Variants in KIF18A observed in about 807,000 individuals in gnomAD.
KIF18A encodes the protein kinesin-like protein KIF18A.
Under a neutral mutation model 103.3 loss-of-function variants are expected in KIF18A, and 67 were observed. The ratio of observed to expected loss-of-function variants is 0.65; its 90% CI spans 0.53 to 0.79. KIF18A has a LOEUF of 0.79. Ranked by LOEUF, KIF18A falls within the 30% of genes least tolerant of loss-of-function variation. The probability of loss-of-function intolerance (pLI) is 0.00; values close to 1 mark genes in which losing one functional copy is unlikely to be tolerated. For synonymous variants in KIF18A, 367 were observed against 355.5 expected (o/e 1.03, Z -0.36); for missense variants, 1,032 against 1,062.5 (o/e 0.97, Z 0.40).
chr11:28,078,867 C>T (rs1343982114), intron 9 of KIF18A, among the ~76,000 whole-genome samples: 1 of 151,828 alleles, frequency 6.6e-6, no homozygotes, highest in Non-Finnish European at 1.5e-5. Flanking sequence ...TTAAAAAAGT[C>T]CCATGTAACA....
intron 13 of KIF18A, among the ~76,000 whole-genome samples, chr11:28,052,823 A>T (rs963935098): frequency 2.0e-5 from 3 of 152,178 alleles, no homozygotes; most frequent in African/African-American, 7.2e-5. Context: ...AATGAAAAAA[A>T]ACCTACACTT....
chr11:28,049,452 A>G (rs1241572371), intron 13 of KIF18A, among the ~76,000 whole-genome samples: 1 of 152,032 alleles, frequency 6.6e-6, no homozygotes. Context: ...CAAAAGTTTA[A>G]GACTGTAAAC....
chr11:28,077,509 T>C (rs1450164599), intron 9 of KIF18A, among the ~76,000 whole-genome samples: 1 of 152,128 alleles, frequency 6.6e-6, no homozygotes, highest in African/African-American at 2.4e-5. Context: ...AATAAAATAA[T>C]TTTTGTTTGT....
intron 1 of KIF18A, among the ~76,000 whole-genome samples, chr11:28,102,323 C>G (rs1851456255): frequency 1.3e-5 from 2 of 152,172 alleles, no homozygotes; most frequent in South Asian, 2.1e-4. Context: ...TAGACAAACT[C>G]AACCAATTGT....
intron 15 of KIF18A, among the ~76,000 whole-genome samples, chr11:28,030,706 C>A (rs1850387658): frequency 1.3e-5 from 2 of 150,014 alleles, no homozygotes; most frequent in Admixed American, 1.3e-4. Context: ...TAAAGAGCTT[C>A]TGCACAGCAA....
intron 10 of KIF18A, among the ~76,000 whole-genome samples, chr11:28,074,324 T>C (rs551618911): frequency 6.6e-6 from 1 of 152,162 alleles, no homozygotes; most frequent in Non-Finnish European, 1.5e-5. Context: ...GATAGTTATT[T>C]GGAAGTCATT....
chr11:28,098,097 C>T (rs866987401), intron 1 of KIF18A, 104 bp from the exon 2 acceptor site: 2 of 607,496 alleles, frequency 3.3e-6, no homozygotes, highest in Middle Eastern at 3.9e-4. Context: ...AATTCTGTTT[C>T]ACTCACTAGG....
chr11:28,031,796 C>G (rs1289382512), intron 15 of KIF18A, among the ~76,000 whole-genome samples: 11 of 151,840 alleles, frequency 7.2e-5, no homozygotes, highest in Admixed American at 5.3e-4. Context: ...ATCTGAAATT[C>G]TTTTCTCTAA....
chr11:28,066,508 T>C (rs561747653), intron 11 of KIF18A, among the ~76,000 whole-genome samples: 2 of 152,050 alleles, frequency 1.3e-5, no homozygotes, highest in South Asian at 4.1e-4. Flanking sequence ...ATGAATCTTG[T>C]CTTTTTTTGC....
intron 15 of KIF18A, among the ~76,000 whole-genome samples, chr11:28,026,673 T>A (rs1420288147): frequency 3.3e-5 from 5 of 151,800 alleles, no homozygotes; most frequent in Non-Finnish European, 7.4e-5. Context: ...CTATTTGATT[T>A]TATAATAGCT....
At chr11:28,024,153 C>T (rs1267650490) in intron 15 of KIF18A, among the ~76,000 whole-genome samples, 2 of 117,240 alleles carry the variant, frequency 1.7e-5, no homozygotes, top group East Asian at 5.5e-4. Context: ...CACTATTATT[C>T]AAAATGTAGA....
At chr11:28,083,810 G>A (rs1851195256) in intron 7 of KIF18A, among the ~76,000 whole-genome samples, 1 of 152,094 alleles carries the variant, frequency 6.6e-6, no homozygotes, top group Non-Finnish European at 1.5e-5. Context: ...AAAATCATGT[G>A]TTACAAACCT....
rs1367054905 is a variant in KIF18A, at chr11:28,041,445, G to C, written c.1949-4781C>G. Among the ~76,000 whole-genome samples, 3 of 151,716 alleles carry C rather than the reference G, an allele frequency of 2.0e-5. No homozygotes were observed. In the East Asian group the frequency reaches 5.8e-4, roughly 29 times the overall value. On this transcript the variant is annotated intron_variant, in intron 13 of 16. Transcript: ENST00000263181. Reference sequence around the variant, plus strand: ...CGGCAACAATGAATTTGTTGAGCTCGAGGAAAAGAGGCTAGTTTGATTGAA... The same window carrying C: ...CGGCAACAATGAATTTGTTGAGCTCCAGGAAAAGAGGCTAGTTTGATTGAA...
chr11:28,078,687 CTT>C (rs1397593923), intron 9 of KIF18A, among the ~76,000 whole-genome samples: 29 of 152,076 alleles, frequency 1.9e-4, no homozygotes, highest in African/African-American at 7.0e-4. Context: ...TATAATTACT[CTT>C]TATAAAAGAA....
intron 10 of KIF18A, among the ~76,000 whole-genome samples, chr11:28,076,239 G>A (rs1473983932): frequency 6.6e-6 from 1 of 152,064 alleles, no homozygotes. Flanking sequence ...TAAATGTTTG[G>A]TCTGCTTTTC....
intron 15 of KIF18A, among the ~76,000 whole-genome samples, chr11:28,032,757 GA>G (rs1216938729): frequency 2.0e-5 from 3 of 151,772 alleles, no homozygotes; most frequent in African/African-American, 7.3e-5. Context: ...CTCAAACTAT[GA>G]AACTGCTAAA....
chr11:28,088,512 T>C lies in KIF18A; in HGVS notation c.897+12A>G, dbSNP rs750791392. ...TTTCAAACTATTTAACAAATAAACA[T>C]ATAATGCCTACCTTTGAATCTGCTA... On this transcript the variant is annotated intron_variant, in intron 6 of 16. Coordinates refer to ENST00000263181, the MANE Select transcript of KIF18A (RefSeq NM_031217.4). 8.3e-5 allele frequency: 132 copies of C among 1,597,074 alleles called. No homozygotes were observed. Among genetic ancestry groups the C allele is most frequent in the Non-Finnish European group, 8.0e-5 (93 of 1,165,062 alleles).
At chr11:28,035,101 C>A (rs1160697620) in intron 15 of KIF18A, among the ~76,000 whole-genome samples, 1 of 151,526 alleles carries the variant, frequency 6.6e-6, no homozygotes, top group East Asian at 1.9e-4. Flanking sequence ...TAAAAATTGT[C>A]ACCCCAGAAA....
chr11:28,105,560 T>C (rs1448400836), intron 1 of KIF18A, among the ~76,000 whole-genome samples: 2 of 152,140 alleles, frequency 1.3e-5, no homozygotes, highest in African/African-American at 2.4e-5. Flanking sequence ...CATGAACTTA[T>C]TTATCTTATA....
Sources: allele counts gnomAD v4.1 joint callset (sites outside exome capture counted in the v4.1 genomes callset), GRCh38; gene constraint gnomAD v4.1.1; transcripts MANE v1.5; gene names NCBI Gene and HGNC (gene_info 2026-07-23, HGNC 2026-07-21).